HYAL3: variants seen among roughly 807,000 people sequenced by gnomAD.
HYAL3 encodes the protein hyaluronidase 3.
HYAL3 carries 25 observed loss-of-function variants against 29.6 expected under a neutral mutation model. That is an observed-to-expected ratio of 0.85 (90% CI 0.62 to 1.18). The LOEUF (loss-of-function observed/expected upper bound fraction) is 1.18, where lower values mean the gene tolerates loss of function less well. Ranked by LOEUF, HYAL3 falls within the 50% of genes most tolerant of loss-of-function variation. The pLI is 0.00. For synonymous variants in HYAL3, 215 were observed against 218.3 expected (o/e 0.99, Z 0.13); for missense variants, 442 against 548.4 (o/e 0.81, Z 1.94).
In HYAL3 at chr3:50,295,423, G is replaced by A. The variant is rs782275669; in HGVS notation, c.180C>T (p.Asn60=). 5 of 1,614,198 alleles carry A rather than the reference G, an allele frequency of 3.1e-6. No homozygotes were observed. In the South Asian group the frequency reaches 4.4e-5, roughly 14 times the overall value. ...LPLNALGIIA[N]RGQHFHGQNM... ...TCTGACCGTGAAAATGCTGGCCACG[G>A]TTGGCTATGATGCCCAGAGCATTGA... is the stretch of plus-strand genomic sequence containing the variant. The change falls in exon 2 of 4, where the codon AAC becomes AAT. Residue 60 remains asparagine, a synonymous_variant. Coordinates refer to ENST00000336307, the MANE Select transcript of HYAL3 (RefSeq NM_003549.4).
At position 50,299,314 on chromosome 3, in the gene HYAL3, C is replaced by G; in HGVS notation, c.-119G>C. The G allele has an allele frequency of 2.5e-6, 4 of 1,605,762 alleles. No individual in the cohort carries two copies. The highest frequency in any genetic ancestry group is 3.4e-6 in the Non-Finnish European group (4 of 1,177,342). ...ACTCCTCGGTCCGACAACGTTGGCC[C>G]CCAGCGGTGCGGCGGATGTTCTGCA... On this transcript the variant is annotated 5_prime_UTR_variant, in exon 1 of 4. Coordinates refer to ENST00000336307, the MANE Select transcript of HYAL3 (RefSeq NM_003549.4).
chr3:50,293,804 T>C, intron 2 of HYAL3, 83 bp from the exon 3 acceptor site: 1 of 1,210,046 alleles, frequency 8.3e-7, no homozygotes, highest in Non-Finnish European at 1.2e-6. Context: ...ACTCTTCTGG[T>C]TCACTGTCAC....
intron 1 of HYAL3, chr3:50,296,476 G>T: frequency 8.6e-7 from 1 of 1,160,068 alleles, no homozygotes; most frequent in East Asian, 2.6e-5. Context: ...CTGGTACCCA[G>T]GAAACATGCC....
In HYAL3 at chr3:50,295,318, G is replaced by C. The variant is rs993767673; in HGVS notation, c.285C>G (p.Ile95Met). Reference protein sequence around the residue: ...GPRGTAHNGGIPQALPLDRHL... With the variant: ...GPRGTAHNGGMPQALPLDRHL... ...GGCGGTCAAGGGGCAAAGCCTGGGG[G>C]ATGCCCCCATTGTGAGCTGTGCCCC... is the stretch of plus-strand genomic sequence containing the variant. The change falls in exon 2 of 4, where the codon ATC (isoleucine) becomes ATG (methionine). Residue 95 changes from isoleucine to methionine, a missense_variant. Physicochemically the swap from Ile to Met is conservative, Grantham distance 10 (BLOSUM62 1). Coordinates refer to ENST00000336307, the MANE Select transcript of HYAL3 (RefSeq NM_003549.4). The C allele has an allele frequency of 1.2e-6, 2 of 1,614,198 alleles. No homozygotes were observed. The highest frequency in any genetic ancestry group is 2.2e-5 in the East Asian group (1 of 44,884).
chr3:50,298,928 T>A, intron 1 of HYAL3: 1 of 1,394,910 alleles, frequency 7.2e-7, no homozygotes, highest in Non-Finnish European at 9.3e-7. Context: ...CTTAACCCCT[T>A]CAGTGCCGAC....
chr3:50,295,554 G>A lies in HYAL3; in HGVS notation c.49C>T (p.Leu17=), dbSNP rs1471417533. ...PALVLGVALC[L]GCGQPLPQVP... Reference sequence around the variant, plus strand: ...TGTGGTAGGGGCTGGCCACAACCCAGGCACAGGGCCACCCCCAGCACCAGG... The same window carrying A: ...TGTGGTAGGGGCTGGCCACAACCCAAGCACAGGGCCACCCCCAGCACCAGG... Residue 17 remains leucine (L), a synonymous_variant, in exon 2 of 4, where the codon CTG becomes TTG. Coordinates refer to ENST00000336307, the MANE Select transcript of HYAL3 (RefSeq NM_003549.4). 2 of 1,579,992 alleles carry A rather than the reference G, an allele frequency of 1.3e-6. No individual in the cohort carries two copies. Among genetic ancestry groups the A allele is most frequent in the African/African-American group, 2.7e-5 (2 of 74,140 alleles).
At chr3:50,294,190 C>T (rs192471963) in intron 2 of HYAL3, among the ~76,000 whole-genome samples, 35 of 151,856 alleles carry the variant, frequency 2.3e-4, no homozygotes, top group Admixed American at 4.6e-4. Context: ...TCCAGCTATT[C>T]GGGAGGAGGC....
chr3:50,297,245 A>G lies in HYAL3; in HGVS notation c.-17-1626T>C. The G allele has an allele frequency of 6.2e-7, 1 of 1,611,742 alleles. No homozygotes were observed. The highest frequency in any genetic ancestry group is 8.5e-7 in the Non-Finnish European group (1 of 1,178,468). On this transcript the variant is annotated intron_variant, in intron 1 of 3. Coordinates refer to ENST00000336307, the MANE Select transcript of HYAL3 (RefSeq NM_003549.4). This position sits in a 1 kb window ranked among gnomAD's most constrained non-coding sequence, Gnocchi z 4.3. Reference sequence around the variant, plus strand: ...GATCATTGATGAGGTCAGCACAAGCATCCAGGAGCTCGGGTCGGCGGTGCA... The same window carrying G: ...GATCATTGATGAGGTCAGCACAAGCGTCCAGGAGCTCGGGTCGGCGGTGCA...
chr3:50,299,181 C>T (rs1702012809), intron 1 of HYAL3, 32 bp downstream of exon 1: 1 of 1,614,158 alleles, frequency 6.2e-7, no homozygotes. Context: ...GGTGGACCTA[C>T]AGGCAGCAAA....
At position 50,293,655 on chromosome 3, in the gene HYAL3, C is replaced by T. The variant is rs781926657; in HGVS notation, c.961G>A (p.Asp321Asn). The change falls in exon 3 of 4, where the codon GAC (aspartate) becomes AAC (asparagine). Residue 321 changes from aspartate (D) to asparagine (N), a missense_variant. By Grantham distance (23) the Asp-to-Asn change is conservative. Transcript: ENST00000336307. ...LGAAGVVLWGDLSLSSSEEEC... is the reference protein window; with the variant it reads ...LGAAGVVLWGNLSLSSSEEEC... ...ACCTCAGAGCTGGAGAGGCTCAGGT[C>T]CCCCCAGAGCACCACGCCGGCTGCC... 1.2e-5 allele frequency: 19 copies of T among 1,613,600 alleles called. No individual in the cohort carries two copies. The Admixed American group carries it at 1.3e-4, about 11-fold the overall frequency.
chr3:50,296,335 G>A, intron 1 of HYAL3: 1 of 512,358 alleles, frequency 2.0e-6, no homozygotes, highest in Non-Finnish European at 3.4e-6. Context: ...CTTCTGCAGG[G>A]ATAAGGGACC....
At chr3:50,295,920 A>G (rs1391256873) in intron 1 of HYAL3, 3 of 362,924 alleles carry the variant, frequency 8.3e-6, no homozygotes, top group African/African-American at 4.1e-5. Context: ...CACAACTGTC[A>G]CAAGTCCCCT....
At chr3:50,296,892 C>T (rs1553711295) in intron 1 of HYAL3, 1 of 1,607,436 alleles carries the variant, frequency 6.2e-7, no homozygotes, top group East Asian at 2.2e-5. Context: ...CACAGGCTCA[C>T]CCAGCTGGTA....
Position 50,297,718 on chromosome 3 carries a change from G to T in HYAL3, c.-18+1495C>A, listed in dbSNP as rs587652416. ...GGGCTGTGCCAGGAGGGAGGGTGGG[G>T]TTGGAGCAGGGAAGGGCTGACAGAG... On this transcript the variant is annotated intron_variant, in intron 1 of 3. Coordinates refer to ENST00000336307, the MANE Select transcript of HYAL3 (RefSeq NM_003549.4). The surrounding 1 kb of genome is among the most constrained non-coding windows in gnomAD (Gnocchi z 4.3). 3.4e-5 allele frequency: 47 copies of T among 1,363,314 alleles called. No individual in the cohort carries two copies. The highest frequency in any genetic ancestry group is 5.4e-4 in the Middle Eastern group (2 of 3,696). 84.5% of individuals were successfully genotyped at this position (1,363,314 alleles called of 1,614,324 possible). A position where few individuals can be genotyped will look rare whatever the true frequency, so the allele number is the denominator to read the frequency against.
chr3:50,298,987 C>G (rs961263195), intron 1 of HYAL3: 5 of 1,457,274 alleles, frequency 3.4e-6, no homozygotes, highest in Non-Finnish European at 4.5e-6. Flanking sequence ...GTGGCTTCTC[C>G]GTCTCTCCCG....
At chr3:50,298,960 T>C in intron 1 of HYAL3, 1 of 1,434,584 alleles carries the variant, frequency 7.0e-7, no homozygotes, top group Non-Finnish European at 9.1e-7. Flanking sequence ...TGGGCGGGGC[T>C]CCGGGGTCCT....
In HYAL3 at chr3:50,295,119, G is replaced by A. The variant is rs990103707; in HGVS notation, c.484C>T (p.Pro162Ser). 2 of 1,613,618 alleles carry A rather than the reference G, an allele frequency of 1.2e-6. No individual in the cohort carries two copies. The highest frequency in any genetic ancestry group is 2.2e-5 in the East Asian group (1 of 44,874). Reference protein sequence around the residue: ...WAQQVFPDLDPQEQLYKAYTG... With the variant: ...WAQQVFPDLDSQEQLYKAYTG... ...TAGGCCTTGTAGAGCTGCTCCTGAGGGTCCAGGTCAGGGAATACCTGCTGT... is the reference window on the plus strand; with the variant it reads ...TAGGCCTTGTAGAGCTGCTCCTGAGAGTCCAGGTCAGGGAATACCTGCTGT... Residue 162 changes from proline (P) to serine (S), a missense_variant, in exon 2 of 4, where the codon CCT (proline) becomes TCT (serine). Pro to Ser is a moderately conservative substitution (Grantham distance 74). Transcript: ENST00000336307.
At chr3:50,296,582 A>G (rs374208572) in intron 1 of HYAL3, 1 of 1,611,966 alleles carries the variant, frequency 6.2e-7, no homozygotes, top group Non-Finnish European at 8.5e-7. Context: ...CCAGAAAGAC[A>G]GTTCCTTGCC....
At chr3:50,295,880 C>T (rs1701824716) in intron 1 of HYAL3, 2 of 462,356 alleles carry the variant, frequency 4.3e-6, no homozygotes, top group African/African-American at 1.9e-5. Flanking sequence ...TCCCATGTTC[C>T]GTCTTTGTCA....
Sources: gnomAD v4.1 joint callset for allele counts (sites outside exome capture counted in the v4.1 genomes callset) on GRCh38, gnomAD v4.1.1 for gene constraint, Gnocchi (gnomAD v3.1) non-coding constraint, MANE v1.5 for transcripts, NCBI Gene and HGNC (gene_info 2026-07-23, HGNC 2026-07-21) for gene names.